The following PUDP variants were observed in gnomAD, a reference collection of about 807,000 sequenced individuals.
PUDP encodes pseudouridine-5'-phosphatase.
In PUDP, 8 loss-of-function variants were observed where a neutral mutation model predicts 9.4. The observed-to-expected ratio is 0.85, with a 90% CI of 0.50 to 1.53. The LOEUF is 1.53. Among genes scored for constraint, PUDP ranks in the 40% most tolerant of loss-of-function variants. The pLI, the probability that PUDP is intolerant of heterozygous loss-of-function variation, is 0.00. For missense variants in PUDP, 188 were observed against 189.7 expected, an observed-to-expected ratio of 0.99 and a Z score of 0.05; for synonymous variants, 99 against 80.7, an observed-to-expected ratio of 1.23 and a Z score of -1.22.
intron 3 of PUDP, among the ~76,000 whole-genome samples, chrX:6,874,924 G>C (rs1238754313): frequency 8.9e-6 from 1 of 111,991 alleles, no homozygotes; most frequent in Non-Finnish European, 1.9e-5. Context: ...CAAAGTCTTA[G>C]AGAAAGAAAC....
At chrX:6,718,621 AG>A (rs1241518402) in intron 1 of PUDP, among the ~76,000 whole-genome samples, 1 of 111,248 alleles carries the variant, frequency 9.0e-6, no homozygotes, top group Non-Finnish European at 1.9e-5. Flanking sequence ...GAGGAGAGTG[AG>A]GGATAAGAAA....
chrX:6,886,450 T>G (rs12688375), intron 3 of PUDP, among the ~76,000 whole-genome samples: 10,311 of 111,779 alleles, frequency 0.092, 596 homozygotes, highest in East Asian at 0.46. Flanking sequence ...ATAAAGTATT[T>G]CCCTCTGCAT....
intron 3 of PUDP, among the ~76,000 whole-genome samples, chrX:6,866,350 T>C (rs1927085779): frequency 9.0e-6 from 1 of 110,974 alleles, no homozygotes; most frequent in African/African-American, 3.3e-5. Context: ...AAAAGTAAAT[T>C]CAAATATTCC....
chrX:7,137,463 C>T lies in PUDP; in HGVS notation c.61+10590G>A, dbSNP rs1338212317. On this transcript the variant is annotated intron_variant, in intron 1 of 3. Transcript: ENST00000381077. ...TCGGGAGGCTGAGGCAGGAGAAAGG[C>T]GTGAACCTGGGAGGCGGAGCTTGCA... Among the ~76,000 whole-genome samples the T allele has an allele frequency of 3.6e-5, 4 of 110,583 alleles. No individual in the cohort carries two copies. The East Asian group carries it at 8.5e-4, about 23-fold the overall frequency.
intron 3 of PUDP, among the ~76,000 whole-genome samples, chrX:6,753,308 C>CT (rs1337236927): frequency 1.8e-5 from 2 of 112,395 alleles, no homozygotes; most frequent in Non-Finnish European, 3.8e-5. Context: ...TAATTCAATC[C>CT]TTTTTATGGC....
intron 3 of PUDP, among the ~76,000 whole-genome samples, chrX:6,951,246 T>C (rs1167486587): frequency 1.0e-3 from 23 of 22,604 alleles, no homozygotes; most frequent in African/African-American, 2.0e-3. Context: ...CCATCCATCA[T>C]ATCTATCTAT....
chrX:6,798,354 C>A (rs1925876755), intron 3 of PUDP, among the ~76,000 whole-genome samples: 1 of 111,906 alleles, frequency 8.9e-6, no homozygotes. Flanking sequence ...CCTGGCCGCA[C>A]CCTTGACACA....
intron 1 of PUDP, among the ~76,000 whole-genome samples, chrX:6,986,199 G>A (rs374675640): frequency 4.5e-5 from 5 of 112,082 alleles, no homozygotes; most frequent in African/African-American, 9.7e-5. Context: ...CTGACCTGTC[G>A]ATGATCAGAG....
intron 1 of PUDP, among the ~76,000 whole-genome samples, chrX:7,141,402 C>A (rs765580825): frequency 4.4e-5 from 5 of 113,094 alleles, no homozygotes; most frequent in Middle Eastern, 4.3e-3. Flanking sequence ...GCACAACATT[C>A]CCTTAAGCCA....
chrX:7,006,117 T>C (rs930128069), intron 1 of PUDP, among the ~76,000 whole-genome samples: 4 of 112,380 alleles, frequency 3.6e-5, no homozygotes, highest in African/African-American at 1.3e-4. Flanking sequence ...TTTTGGCTAT[T>C]GTAAATAGTG....
At chrX:7,067,875 G>C (rs982522083) in intron 3 of PUDP, among the ~76,000 whole-genome samples, 1 of 111,298 alleles carries the variant, frequency 9.0e-6, no homozygotes, top group African/African-American at 3.3e-5. Context: ...TGCTGTTCTC[G>C]TGATAGTGAG....
chrX:6,752,806 G>C (rs1402534573), intron 3 of PUDP, among the ~76,000 whole-genome samples: 4 of 111,635 alleles, frequency 3.6e-5, no homozygotes, highest in Non-Finnish European at 5.7e-5. Flanking sequence ...AAGCAATCAA[G>C]GTTGCTTAAT....
chrX:6,783,565 T>C (rs192734992), intron 3 of PUDP, among the ~76,000 whole-genome samples: 2 of 111,814 alleles, frequency 1.8e-5, no homozygotes, highest in East Asian at 5.6e-4. Context: ...TACACACTAA[T>C]CACCAGTCAA....
chrX:7,115,029 C>G (rs962579401), intron 1 of PUDP, among the ~76,000 whole-genome samples: 6 of 112,165 alleles, frequency 5.3e-5, no homozygotes, highest in African/African-American at 1.9e-4. Flanking sequence ...AAGTTAACTG[C>G]AGCAAATGAT....
chrX:6,855,056 G>GT (rs1926884681), intron 3 of PUDP, among the ~76,000 whole-genome samples: 1 of 107,465 alleles, frequency 9.3e-6, no homozygotes, highest in Non-Finnish European at 1.9e-5. Context: ...GAGGATCCAA[G>GT]TATCAGTGGA....
At chrX:6,710,020 G>T (rs1007821251) in intron 1 of PUDP, among the ~76,000 whole-genome samples, 1 of 111,636 alleles carries the variant, frequency 9.0e-6, no homozygotes, top group Non-Finnish European at 1.9e-5. Context: ...CTACTCACAA[G>T]GTTGAAGCAG....
At chrX:6,764,871 C>A (rs1402708810) in intron 3 of PUDP, among the ~76,000 whole-genome samples, 2 of 111,287 alleles carry the variant, frequency 1.8e-5, no homozygotes, top group African/African-American at 6.5e-5. Context: ...TAATAAATGG[C>A]TAAATGTAAA....
chrX:6,895,438 C>A (rs957797732), intron 3 of PUDP, among the ~76,000 whole-genome samples: 3 of 106,811 alleles, frequency 2.8e-5, no homozygotes, highest in Non-Finnish European at 5.7e-5. Flanking sequence ...TTACTCATTA[C>A]TATTAGTAAA....
chrX:7,140,697 G>A (rs1240434999), intron 1 of PUDP, among the ~76,000 whole-genome samples: 1 of 111,296 alleles, frequency 9.0e-6, no homozygotes, highest in African/African-American at 3.3e-5. Flanking sequence ...AAAACAAAAC[G>A]ATGCACTGCT....
Sources: gnomAD v4.1 joint callset for allele counts (sites outside exome capture counted in the v4.1 genomes callset) on GRCh38, gnomAD v4.1.1 for gene constraint, MANE v1.5 for transcripts, NCBI Gene and HGNC (gene_info 2026-07-23, HGNC 2026-07-21) for gene names.